The following SPIN1 variants were observed in gnomAD, a reference collection of about 807,000 sequenced individuals.
SPIN1 encodes the protein spindlin 1.
Under a neutral mutation model 26.0 loss-of-function variants are expected in SPIN1, and 3 were observed. The observed-to-expected ratio is 0.12, with a 90% confidence interval of 0.05 to 0.30. The LOEUF is 0.30. Ranked by LOEUF, SPIN1 falls within the 10% of genes least tolerant of loss-of-function variation. The pLI is 1.00. For missense variants in SPIN1, 126 were observed against 333.4 expected (o/e 0.38, Z 4.84); for synonymous variants, 101 against 116.5 (o/e 0.87, Z 0.86).
At chr9:88,391,491 G>A (rs1826918706) in intron 1 of SPIN1, 1 of 153,200 alleles carries the variant, frequency 6.5e-6, no homozygotes, top group African/African-American at 2.4e-5. Flanking sequence ...CTTTGGCCCA[G>A]TGTCTACTAG....
chr9:88,462,791 T>C (rs2118191710), intron 4 of SPIN1, 42 bp downstream of exon 4: 2 of 1,541,566 alleles, frequency 1.3e-6, no homozygotes, highest in Non-Finnish European at 1.7e-6. Flanking sequence ...ACTTTAAAAA[T>C]GATATTGAAC....
chr9:88,390,204 C>T (rs1481431092), intron 1 of SPIN1, among the ~76,000 whole-genome samples: 1 of 152,104 alleles, frequency 6.6e-6, no homozygotes, highest in African/African-American at 2.4e-5. Context: ...ATCCAGGAAA[C>T]AGTGAAAATG....
intron 1 of SPIN1, among the ~76,000 whole-genome samples, chr9:88,417,395 G>C (rs377088716): frequency 1.1e-4 from 16 of 152,226 alleles, no homozygotes; most frequent in African/African-American, 3.9e-4. Context: ...TATCCACCTG[G>C]AAATAGCATC....
At chr9:88,465,369 C>T (rs974274413) in intron 4 of SPIN1, among the ~76,000 whole-genome samples, 5 of 152,116 alleles carry the variant, frequency 3.3e-5, no homozygotes, top group African/African-American at 1.2e-4. Flanking sequence ...GGTAGAACTA[C>T]CATACTGTTT....
chr9:88,456,388 A>T (rs1828473032), intron 3 of SPIN1, among the ~76,000 whole-genome samples: 2 of 152,206 alleles, frequency 1.3e-5, no homozygotes, highest in Admixed American at 6.5e-5. Context: ...TCCACTGAGG[A>T]ACTCTGGTGC....
chr9:88,466,580 C>T (rs1470178374), intron 4 of SPIN1, among the ~76,000 whole-genome samples: 1 of 152,142 alleles, frequency 6.6e-6, no homozygotes, highest in Non-Finnish European at 1.5e-5. Context: ...TTTATTATTA[C>T]TGCGTACTTA....
At chr9:88,435,297 C>T (rs80291174) in intron 2 of SPIN1, among the ~76,000 whole-genome samples, 3,963 of 151,680 alleles carry the variant, frequency 0.026, 169 homozygotes, top group African/African-American at 0.091. Flanking sequence ...TTCACTGCAG[C>T]CTCGACCTCC....
intron 4 of SPIN1, 96 bp from the exon 5 acceptor site, chr9:88,468,276 A>T: frequency 1.1e-6 from 1 of 928,816 alleles, no homozygotes; most frequent in Non-Finnish European, 1.5e-6. Context: ...GCATGGACAA[A>T]ATTTCAGGTG....
chr9:88,411,800 C>T (rs1254850203), intron 1 of SPIN1, among the ~76,000 whole-genome samples: 1 of 152,056 alleles, frequency 6.6e-6, no homozygotes, highest in Non-Finnish European at 1.5e-5. Context: ...CAGGTGTGAA[C>T]CACTGTGCCT....
intron 5 of SPIN1, among the ~76,000 whole-genome samples, chr9:88,471,654 CAAAAAAA>C (rs1166469042): frequency 4.2e-4 from 25 of 59,746 alleles, no homozygotes; most frequent in African/African-American, 1.2e-3. Context: ...GACTCTGTCT[CAAAAAAA>C]AAAAAAAAAA....
chr9:88,394,993 A>G (rs1183800387), intron 1 of SPIN1, among the ~76,000 whole-genome samples: 2 of 151,650 alleles, frequency 1.3e-5, no homozygotes, highest in Non-Finnish European at 1.5e-5. Flanking sequence ...TATTTTTAGT[A>G]GAGACGGGGT....
intron 3 of SPIN1, among the ~76,000 whole-genome samples, chr9:88,460,430 C>T (rs10116309): frequency 0.19 from 28,700 of 152,146 alleles, 3,534 homozygotes; most frequent in African/African-American, 0.35. Flanking sequence ...GTTCCTGATA[C>T]ATGTTCTTAC....
At chr9:88,421,566 A>G (rs919995707) in intron 1 of SPIN1, among the ~76,000 whole-genome samples, 10 of 151,684 alleles carry the variant, frequency 6.6e-5, no homozygotes, top group Admixed American at 6.6e-5. Flanking sequence ...GGCATGAGCC[A>G]TTGTGCCTGG....
chr9:88,466,870 G>A (rs1203573543), intron 4 of SPIN1, among the ~76,000 whole-genome samples: 1 of 151,990 alleles, frequency 6.6e-6, no homozygotes, highest in Non-Finnish European at 1.5e-5. Flanking sequence ...TCAGTAGCTG[G>A]GACTACAGGC....
chr9:88,427,184 T>A (rs185451983), intron 2 of SPIN1, among the ~76,000 whole-genome samples: 2 of 152,246 alleles, frequency 1.3e-5, no homozygotes, highest in Admixed American at 6.5e-5. Flanking sequence ...AGCATTCTTC[T>A]CCATTTCAGA....
chr9:88,433,643 A>G (rs1469924642), intron 2 of SPIN1, among the ~76,000 whole-genome samples: 1 of 152,138 alleles, frequency 6.6e-6, no homozygotes, highest in African/African-American at 2.4e-5. Context: ...TCCATAGATG[A>G]TGATCACTCA....
At chr9:88,396,993 C>T (rs1403014922) in intron 1 of SPIN1, among the ~76,000 whole-genome samples, 2 of 151,948 alleles carry the variant, frequency 1.3e-5, no homozygotes, top group Non-Finnish European at 2.9e-5. Flanking sequence ...GGCACTGAAC[C>T]ATGAATGGAG....
In SPIN1 at chr9:88,414,804, T is replaced by C. The variant is rs148269948; in HGVS notation, c.-158-11578T>C. Among the ~76,000 whole-genome samples, 322 of 152,336 alleles carry C rather than the reference T, an allele frequency of 2.1e-3. 1 individual carries two copies. The highest frequency in any genetic ancestry group is 3.9e-3 in the Non-Finnish European group (262 of 68,036). ...GGTTAGGAAAGATGAAGATAAAATT[T>C]TTTCTCCTGTCCAAATCCATGGTCC... On this transcript the variant is annotated intron_variant, in intron 1 of 5. Coordinates refer to ENST00000375859, the MANE Select transcript of SPIN1 (RefSeq NM_006717.3).
At chr9:88,409,958 C>T (rs1266317246) in intron 1 of SPIN1, among the ~76,000 whole-genome samples, 6 of 151,302 alleles carry the variant, frequency 4.0e-5, no homozygotes, top group Non-Finnish European at 5.9e-5. Context: ...TACCAGTCCC[C>T]CTGTAACCCC....
Sources: gnomAD v4.1 joint callset for allele counts (sites outside exome capture counted in the v4.1 genomes callset) on GRCh38, gnomAD v4.1.1 for gene constraint, MANE v1.5 for transcripts, NCBI Gene and HGNC (gene_info 2026-07-23, HGNC 2026-07-21) for gene names.